Variants in PCDHGB2 observed in about 807,000 individuals in gnomAD.
The protein encoded by PCDHGB2 is protocadherin gamma-B2.
PCDHGB2 carries 55 observed loss-of-function variants against 59.3 expected under a neutral mutation model. The ratio of observed to expected loss-of-function variants is 0.93; its 90% CI spans 0.75 to 1.16. PCDHGB2 has a LOEUF of 1.16. Ranked by LOEUF, PCDHGB2 falls within the 50% of genes most tolerant of loss-of-function variation. The probability of loss-of-function intolerance (pLI) is 0.00; values close to 1 mark genes in which losing one functional copy is unlikely to be tolerated. For synonymous variants in PCDHGB2, 516 were observed against 512.0 expected (o/e 1.01, Z -0.11); for missense variants, 1,228 against 1,198.5 (o/e 1.02, Z -0.36).
chr5:141,407,807 T>C (rs916388568), intron 1 of PCDHGB2, among the ~76,000 whole-genome samples: 1 of 152,202 alleles, frequency 6.6e-6, no homozygotes, highest in African/African-American at 2.4e-5. Flanking sequence ...CATAGAAATA[T>C]CTACTATAAT....
intron 1 of PCDHGB2, chr5:141,365,647 C>T: frequency 1.9e-6 from 3 of 1,613,544 alleles, no homozygotes; most frequent in Non-Finnish European, 2.5e-6. Flanking sequence ...GCCACATCCC[C>T]TTGAAAGTAG....
At chr5:141,423,620 C>A in intron 1 of PCDHGB2, 1 of 1,608,268 alleles carries the variant, frequency 6.2e-7, no homozygotes, top group Non-Finnish European at 8.5e-7. Flanking sequence ...GCTGAAGACT[C>A]AGCTATCATT....
chr5:141,423,603 C>G, intron 1 of PCDHGB2: 1 of 1,612,584 alleles, frequency 6.2e-7, no homozygotes. Flanking sequence ...GCGAGCCACT[C>G]TTGATAGCTG....
chr5:141,429,232 G>T (rs938585192), intron 1 of PCDHGB2: 2 of 151,668 alleles, frequency 1.3e-5, no homozygotes, highest in Non-Finnish European at 2.9e-5. Flanking sequence ...TTATGATACT[G>T]CTGTCATTGA....
chr5:141,430,904 T>C (rs2097322701), intron 1 of PCDHGB2: 5 of 1,606,730 alleles, frequency 3.1e-6, no homozygotes, highest in Middle Eastern at 1.7e-4. Context: ...GGGCGACATC[T>C]CCAGGGACCT....
intron 1 of PCDHGB2, among the ~76,000 whole-genome samples, chr5:141,467,665 G>T (rs1205474808): frequency 4.6e-5 from 7 of 152,040 alleles, no homozygotes; most frequent in Non-Finnish European, 1.0e-4. Flanking sequence ...AGTGCCAGAA[G>T]ATTTTTATTT....
chr5:141,422,691 C>A, intron 1 of PCDHGB2: 1 of 1,603,878 alleles, frequency 6.2e-7, no homozygotes, highest in Non-Finnish European at 8.5e-7. Flanking sequence ...ATGCCCTGGT[C>A]ACTTACTCTC....
chr5:141,382,652 G>A, intron 1 of PCDHGB2: 1 of 410,070 alleles, frequency 2.4e-6, no homozygotes, highest in Non-Finnish European at 4.3e-6. Flanking sequence ...AACTTAGTAA[G>A]GACTCACAGC....
In PCDHGB2 at chr5:141,476,651, T is replaced by C. The variant is rs1355056895; in HGVS notation, c.2422-18156T>C. On this transcript the variant is annotated intron_variant, in intron 1 of 3. Coordinates refer to ENST00000522605, the MANE Select transcript of PCDHGB2 (RefSeq NM_018923.3). This position sits in a 1 kb window ranked among gnomAD's most constrained non-coding sequence, Gnocchi z 7.6. ...AACCTATGAGCTGAGCCGAAATGAA[T>C]ACTTTGCGCTTCGCGTGCAGACGCG... is the stretch of plus-strand genomic sequence containing the variant. The C allele has an allele frequency of 3.7e-6, 6 of 1,614,118 alleles. No individual in the cohort carries two copies. Among genetic ancestry groups the C allele is most frequent in the Non-Finnish European group, 5.1e-6 (6 of 1,180,050 alleles).
intron 1 of PCDHGB2, among the ~76,000 whole-genome samples, chr5:141,453,288 A>AT (rs2098760999): frequency 2.0e-5 from 3 of 151,342 alleles, no homozygotes; most frequent in African/African-American, 7.3e-5. Flanking sequence ...TAATTTTTTA[A>AT]TTATTTATTT....
chr5:141,400,233 C>T lies in PCDHGB2; in HGVS notation c.2421+37677C>T, dbSNP rs373858401. ...TGATCTCAGTGCTCTTCCTCCTGGCCGTGATTCTGGCCGTTGCCTTGCGCC... is the reference window on the plus strand; with the variant it reads ...TGATCTCAGTGCTCTTCCTCCTGGCTGTGATTCTGGCCGTTGCCTTGCGCC... On this transcript the variant is annotated intron_variant, in intron 1 of 3. Coordinates refer to ENST00000522605, the MANE Select transcript of PCDHGB2 (RefSeq NM_018923.3). 100 of 1,613,988 alleles carry T rather than the reference C, an allele frequency of 6.2e-5. 1 individual carries two copies. The African/African-American group carries it at 1.1e-3, about 18-fold the overall frequency.
At chr5:141,505,323 G>C in intron 2 of PCDHGB2, 70 bp from the exon 3 acceptor site, 1 of 1,606,758 alleles carries the variant, frequency 6.2e-7, no homozygotes, top group South Asian at 1.1e-5. Flanking sequence ...GGGAGCCCTG[G>C]GAGAGGACAG....
At chr5:141,481,860 G>A (rs1379910129) in intron 1 of PCDHGB2, among the ~76,000 whole-genome samples, 1 of 148,492 alleles carries the variant, frequency 6.7e-6, no homozygotes, top group Non-Finnish European at 1.5e-5. Context: ...GTTGCAGTGA[G>A]CCGAGATCGC....
intron 1 of PCDHGB2, chr5:141,398,846 C>T (rs1589346275): frequency 3.7e-6 from 6 of 1,613,850 alleles, no homozygotes; most frequent in South Asian, 3.3e-5. Flanking sequence ...GATAATCCCC[C>T]GGTATTCAAC....
intron 1 of PCDHGB2, chr5:141,410,849 CTTTT>C (rs759346998): frequency 4.9e-3 from 673 of 137,520 alleles, no homozygotes; most frequent in South Asian, 8.7e-3. Flanking sequence ...TTGTCTTTGT[CTTTT>C]TTTTTTTTTT....
chr5:141,509,785 C>T (rs1445220885), intron 3 of PCDHGB2, among the ~76,000 whole-genome samples: 1 of 152,166 alleles, frequency 6.6e-6, no homozygotes, highest in African/African-American at 2.4e-5. Context: ...CCGAGATCAT[C>T]ATCTCCTCAG....
intron 1 of PCDHGB2, chr5:141,417,501 A>T: frequency 4.4e-6 from 1 of 227,168 alleles, no homozygotes. Flanking sequence ...GAGGAAAAAG[A>T]TTAAAATATT....
Position 141,385,307 on chromosome 5 carries a change from A to G in PCDHGB2, c.2421+22751A>G, listed in dbSNP as rs766207712. The stretch of plus-strand genomic sequence containing the variant: ...GTAGATTTTCAGGAATGTAAAGAAA[A>G]CCTGCCAAGTATTCAGGTGAGCCCA... On this transcript the variant is annotated intron_variant, in intron 1 of 3. Transcript: ENST00000522605. 19 of 1,612,402 alleles carry G rather than the reference A, an allele frequency of 1.2e-5. No homozygotes were observed. Among genetic ancestry groups the G allele is most frequent in the African/African-American group, 2.7e-5 (2 of 74,932 alleles).
At position 141,512,346 on chromosome 5, in the gene PCDHGB2, G is replaced by A. The variant is rs1391003897; in HGVS notation, c.*1173G>A. ...CAGGCCATTCTTAGTCCCTGGGTTG[G>A]GGAGGCAGGGAGCTAGGGCAGGGAC... On this transcript the variant is annotated 3_prime_UTR_variant, in exon 4 of 4. Transcript: ENST00000522605. 6.5e-6 allele frequency: 1 copy of A among 152,876 alleles called. No individual in the cohort carries two copies. Among genetic ancestry groups the A allele is most frequent in the Non-Finnish European group, 1.5e-5 (1 of 68,232 alleles). 9.5% of individuals were successfully genotyped at this position (152,876 alleles called of 1,614,324 possible). A position where few individuals can be genotyped will look rare whatever the true frequency, so the allele number is the denominator to read the frequency against.
Sources: gnomAD v4.1 joint callset for allele counts (sites outside exome capture counted in the v4.1 genomes callset) on GRCh38, gnomAD v4.1.1 for gene constraint, Gnocchi (gnomAD v3.1) non-coding constraint, MANE v1.5 for transcripts, NCBI Gene and HGNC (gene_info 2026-07-23, HGNC 2026-07-21) for gene names.